The following ADAMTS6 variants were observed in gnomAD, a reference collection of about 807,000 sequenced individuals.
ADAMTS6 encodes ADAM metallopeptidase with thrombospondin type 1 motif 6, also known as A disintegrin and metalloproteinase with thrombospondin motifs 6.
A neutral mutation model predicts 144.3 loss-of-function variants in ADAMTS6; 23 were observed. That is an observed-to-expected ratio of 0.16 (90% CI 0.11 to 0.23). ADAMTS6 has a LOEUF of 0.23. Ranked by LOEUF, ADAMTS6 falls within the 10% of genes least tolerant of loss-of-function variation. The pLI, the probability that ADAMTS6 is intolerant of heterozygous loss-of-function variation, is 1.00. For synonymous variants in ADAMTS6, 444 were observed against 457.5 expected, an observed-to-expected ratio of 0.97 and a Z score of 0.38; for missense variants, 999 against 1,379.6, an observed-to-expected ratio of 0.72 and a Z score of 4.37.
chr5:65,361,446 C>T (rs1036546981), intron 7 of ADAMTS6, among the ~76,000 whole-genome samples: 2 of 152,142 alleles, frequency 1.3e-5, no homozygotes, highest in African/African-American at 4.8e-5. Context: ...AACTAGGCAC[C>T]TCAGTTTCAA....
intron 4 of ADAMTS6, among the ~76,000 whole-genome samples, chr5:65,455,735 G>A (rs1040757630): frequency 2.0e-5 from 3 of 150,946 alleles, no homozygotes; most frequent in Non-Finnish European, 4.4e-5. Context: ...CCTGGGAGGC[G>A]GAGGTTGCAG....
intron 20 of ADAMTS6, among the ~76,000 whole-genome samples, chr5:65,203,075 C>A (rs991973456): frequency 6.6e-6 from 1 of 152,082 alleles, no homozygotes; most frequent in African/African-American, 2.4e-5. Context: ...AGGCATGTTT[C>A]TTTTCATTTG....
chr5:65,470,690 ATAT>A, intron 3 of ADAMTS6, 85 bp downstream of exon 3: 70 of 1,011,716 alleles, frequency 6.9e-5, no homozygotes, highest in Admixed American at 1.2e-4. Context: ...ATATATATAT[ATAT>A]TTTTTTTTTA....
At chr5:65,468,650 A>C (rs1038594705) in intron 3 of ADAMTS6, among the ~76,000 whole-genome samples, 6 of 152,184 alleles carry the variant, frequency 3.9e-5, no homozygotes, top group African/African-American at 1.4e-4. Flanking sequence ...TAAGAGACGA[A>C]GTAAAATAGG....
Position 65,320,370 on chromosome 5 carries a change from A to T in ADAMTS6, c.1223+9008T>A, listed in dbSNP as rs1317556745. ...AGACATAATTACAAAACAAGGACTC[A>T]GAAGATTTAGAAAATGTTATCCTAT... On this transcript the variant is annotated intron_variant, in intron 9 of 24. Transcript: ENST00000381055. Among the ~76,000 whole-genome samples, 3 of 152,336 alleles carry T rather than the reference A, an allele frequency of 2.0e-5. No individual in the cohort carries two copies. In the South Asian group the frequency reaches 6.2e-4, roughly 32 times the overall value.
At position 65,214,874 on chromosome 5, in the gene ADAMTS6, C is replaced by T. The variant is rs753648478; in HGVS notation, c.2495G>A (p.Arg832Gln). Residue 832 changes from arginine (R) to glutamine (Q), a missense_variant, in exon 20 of 25, where the codon CGA becomes CAA. Transcript: ENST00000381055. This position sits in a 1 kb window ranked among gnomAD's most constrained non-coding sequence, Gnocchi z 4.6. ...IRYKFNVPIT[R>Q]TGSGDNEVGF... The stretch of plus-strand genomic sequence containing the variant: ...AACTTCATTATCTCCACTGCCAGTT[C>T]GAGTGATGGGAACATTGAACTTATA... 2.5e-6 allele frequency: 4 copies of T among 1,614,040 alleles called. No homozygotes were observed. Among genetic ancestry groups the T allele is most frequent in the South Asian group, 1.1e-5 (1 of 91,054 alleles).
At chr5:65,451,738 T>C (rs1164832554) in intron 6 of ADAMTS6, 118 bp from the exon 7 acceptor site, 2 of 1,209,432 alleles carry the variant, frequency 1.7e-6, no homozygotes, top group South Asian at 1.4e-5. Context: ...GAATAATCTC[T>C]TGCCAATTTT....
At chr5:65,473,516 A>T (rs745521624) in intron 2 of ADAMTS6, 61 bp downstream of exon 2, 67 of 1,430,172 alleles carry the variant, frequency 4.7e-5, no homozygotes, top group Non-Finnish European at 6.3e-5. Flanking sequence ...AAATATGCAG[A>T]ATCTTTTCTT....
intron 24 of ADAMTS6, among the ~76,000 whole-genome samples, chr5:65,157,681 T>C (rs907580584): frequency 3.9e-5 from 6 of 152,182 alleles, no homozygotes; most frequent in Non-Finnish European, 7.3e-5. Flanking sequence ...AAACTGCCCA[T>C]GGAAATGCAG....
At chr5:65,385,283 A>G (rs887487411) in intron 7 of ADAMTS6, among the ~76,000 whole-genome samples, 1 of 152,252 alleles carries the variant, frequency 6.6e-6, no homozygotes, top group East Asian at 1.9e-4. Flanking sequence ...TTCCAGTAGT[A>G]CAGACAGTAT....
intron 10 of ADAMTS6, among the ~76,000 whole-genome samples, chr5:65,294,851 A>T (rs1435608304): frequency 6.6e-6 from 1 of 151,778 alleles, no homozygotes; most frequent in Non-Finnish European, 1.5e-5. Flanking sequence ...CCCCAAAGGT[A>T]ACTACTATCC....
chr5:65,376,826 C>T (rs1205561417), intron 7 of ADAMTS6, among the ~76,000 whole-genome samples: 1 of 151,714 alleles, frequency 6.6e-6, no homozygotes, highest in Admixed American at 6.6e-5. Context: ...AGAGTGGGAC[C>T]CTGTCTCAAA....
chr5:65,188,020 G>T lies in ADAMTS6; in HGVS notation c.2906C>A (p.Ser969Tyr). The T allele has an allele frequency of 6.2e-7, 1 of 1,614,012 alleles. No individual in the cohort carries two copies. The highest frequency in any genetic ancestry group is 8.5e-7 in the Non-Finnish European group (1 of 1,179,946). Residue 969 changes from serine to tyrosine, a missense_variant, in exon 22 of 25, where the codon TCT becomes TAT. Physicochemically the swap from Ser to Tyr is moderately radical, Grantham distance 144. This residue lies in a region of ADAMTS6 where 619 missense variants were observed against 837.0 expected (regional missense o/e 0.74). Coordinates refer to ENST00000381055, the MANE Select transcript of ADAMTS6 (RefSeq NM_197941.4). ...TATAGCCTCAGATTTCCTTACCTCA[G>T]ACCAGTCCAAAGCCACCCACTGTGG... ...CPPQWVALDW[S>Y]ECTPKCGPGF...
intron 11 of ADAMTS6, among the ~76,000 whole-genome samples, chr5:65,281,828 G>T (rs544339766): frequency 1.3e-5 from 2 of 152,048 alleles, no homozygotes; most frequent in Admixed American, 6.5e-5. Context: ...GGGCTTTTTT[G>T]ATCAGAATGG....
chr5:65,397,538 A>C (rs1031184789), intron 7 of ADAMTS6, among the ~76,000 whole-genome samples: 12 of 152,096 alleles, frequency 7.9e-5, no homozygotes, highest in African/African-American at 2.2e-4. Context: ...AAGTATTTTT[A>C]ATTTCTCTTC....
intron 9 of ADAMTS6, among the ~76,000 whole-genome samples, chr5:65,300,390 T>A (rs539631541): frequency 6.6e-6 from 1 of 152,336 alleles, no homozygotes; most frequent in South Asian, 2.1e-4. Context: ...AATTTCTCTT[T>A]GAGCCGAATA....
At position 65,473,736 on chromosome 5, in the gene ADAMTS6, C is replaced by A; in HGVS notation, c.-63G>T. The A allele has an allele frequency of 8.3e-7, 1 of 1,210,064 alleles. No individual in the cohort carries two copies. The highest frequency in any genetic ancestry group is 1.2e-6 in the Non-Finnish European group (1 of 828,338). 75.0% of individuals were successfully genotyped at this position (1,210,064 alleles called of 1,614,324 possible). On this transcript the variant is annotated 5_prime_UTR_variant, in exon 2 of 25. Coordinates refer to ENST00000381055, the MANE Select transcript of ADAMTS6 (RefSeq NM_197941.4). ...ATGTGCTAAAGAGTCAATACCATAC[C>A]AAAATCGAAGCATAACAATTTTATT...
At chr5:65,283,625 C>A (rs1763152405) in intron 11 of ADAMTS6, among the ~76,000 whole-genome samples, 1 of 152,024 alleles carries the variant, frequency 6.6e-6, no homozygotes, top group African/African-American at 2.4e-5. Context: ...GTTTGGATTT[C>A]AAAAGAATAT....
chr5:65,239,275 A>AC (rs1758961122), intron 15 of ADAMTS6, among the ~76,000 whole-genome samples: 1 of 152,058 alleles, frequency 6.6e-6, no homozygotes, highest in Admixed American at 6.5e-5. Context: ...AAAAAAAAAA[A>AC]AACTGTGTTC....
Sources: allele counts gnomAD v4.1 joint callset (sites outside exome capture counted in the v4.1 genomes callset), GRCh38; gene constraint gnomAD v4.1.1; regional missense constraint gnomAD v4.1.1; non-coding constraint Gnocchi (gnomAD v3.1); transcripts MANE v1.5; gene names NCBI Gene and HGNC (gene_info 2026-07-23, HGNC 2026-07-21).